Variants in TPCN1 observed in about 807,000 individuals in gnomAD.
The protein encoded by TPCN1 is two pore channel protein 1.
Under a neutral mutation model 108.8 loss-of-function variants are expected in TPCN1, and 52 were observed. That is an observed-to-expected ratio of 0.48 (90% confidence interval 0.38 to 0.60). The LOEUF is 0.60. Ranked by LOEUF, TPCN1 falls within the 20% of genes least tolerant of loss-of-function variation. The pLI is 0.00. For missense variants in TPCN1, 806 were observed against 1,072.8 expected, an observed-to-expected ratio of 0.75 and a Z score of 3.47; for synonymous variants, 446 against 433.7, an observed-to-expected ratio of 1.03 and a Z score of -0.35.
intron 2 of TPCN1, among the ~76,000 whole-genome samples, chr12:113,245,333 C>T (rs1160406014): frequency 8.3e-6 from 1 of 121,122 alleles, no homozygotes. Context: ...CGCGGTGGCT[C>T]ACGCCTGTAA....
At position 113,273,430 on chromosome 12, in the gene TPCN1, C is replaced by A; in HGVS notation, c.843-139C>A. 1.6e-6 allele frequency: 2 copies of A among 1,255,416 alleles called. No homozygotes were observed. Among genetic ancestry groups the A allele is most frequent in the Non-Finnish European group, 2.3e-6 (2 of 858,952 alleles). The allele number at this position is 1,255,416 out of a possible 1,614,324, so 77.8% of individuals were successfully genotyped here. ...GGAGACAGGGTTGGCCCACTGAGCA[C>A]GGAGCCCAGGGATGAGAGTAGGGGA... On this transcript the variant is annotated intron_variant, in intron 9 of 27. Transcript: ENST00000335509. The surrounding 1 kb of genome is among the most constrained non-coding windows in gnomAD (Gnocchi z 4.0).
Position 113,291,894 on chromosome 12 carries a change from C to A in TPCN1, c.2049C>A (p.Val683=). ...GCCAGGTGGTGATGACGATCATTGT[C>A]GCCTTTATCCTCGAGGCCTTCGTCT... The part of the protein sequence containing the change: ...IVTMVVMTII[V]AFILEAFVFR... The change falls in exon 25 of 28, where the codon GTC becomes GTA. Residue 683 remains valine, a synonymous_variant. Transcript: ENST00000335509. 6.3e-7 allele frequency: 1 copy of A among 1,586,510 alleles called. No homozygotes were observed.
At chr12:113,257,447 C>G (rs1236119560) in intron 2 of TPCN1, among the ~76,000 whole-genome samples, 3 of 150,070 alleles carry the variant, frequency 2.0e-5, no homozygotes, top group Admixed American at 6.6e-5. Context: ...GCTGAGATGG[C>G]ACCACTGCAC....
intron 1 of TPCN1, among the ~76,000 whole-genome samples, chr12:113,225,619 A>G (rs1179502130): frequency 1.3e-5 from 2 of 151,846 alleles, no homozygotes; most frequent in African/African-American, 2.4e-5. Flanking sequence ...GGATGGCTCT[A>G]TCTCGGTTCA....
At chr12:113,244,712 G>A in intron 2 of TPCN1, 2 of 985,452 alleles carry the variant, frequency 2.0e-6, no homozygotes, top group Non-Finnish European at 2.4e-6. Context: ...CATTCTGGTA[G>A]GCGCTGGTTT....
In TPCN1 at chr12:113,288,676, C is replaced by T; in HGVS notation, c.1707-82C>T. 6.3e-7 allele frequency: 1 copy of T among 1,581,528 alleles called. No homozygotes were observed. The highest frequency in any genetic ancestry group is 8.6e-7 in the Non-Finnish European group (1 of 1,167,642). On this transcript the variant is annotated intron_variant, in intron 20 of 27. Coordinates refer to ENST00000335509, the MANE Select transcript of TPCN1 (RefSeq NM_017901.6). This position sits in a 1 kb window ranked among gnomAD's most constrained non-coding sequence, Gnocchi z 4.8. Reference sequence around the variant, plus strand: ...AGGGGCATGGCCCTGCAGTCAGCCCCACGGGTCCGAGGAGGCCGGGGCTGC... The same window carrying T: ...AGGGGCATGGCCCTGCAGTCAGCCCTACGGGTCCGAGGAGGCCGGGGCTGC...
At chr12:113,277,467 C>A in intron 12 of TPCN1, 103 bp downstream of exon 12, 4 of 1,404,490 alleles carry the variant, frequency 2.8e-6, no homozygotes, top group Non-Finnish European at 3.9e-6. Flanking sequence ...GGCCTATAGG[C>A]TTGTCAGAGA....
intron 2 of TPCN1, among the ~76,000 whole-genome samples, chr12:113,233,818 C>T (rs1189410470): frequency 2.0e-5 from 3 of 152,132 alleles, no homozygotes; most frequent in Non-Finnish European, 4.4e-5. Flanking sequence ...GAAGAGGAAA[C>T]GGAGGCTCTC....
chr12:113,291,731 T>A (rs1956275792), intron 24 of TPCN1, 54 bp downstream of exon 24: 8 of 1,593,764 alleles, frequency 5.0e-6, no homozygotes, highest in Non-Finnish European at 5.2e-6. Flanking sequence ...CATCACCAGC[T>A]GCCCCTGCTC....
chr12:113,236,600 G>A (rs1257330944), intron 2 of TPCN1, among the ~76,000 whole-genome samples: 1 of 151,416 alleles, frequency 6.6e-6, no homozygotes, highest in Non-Finnish European at 1.5e-5. Context: ...GGGTGACAGA[G>A]CAAGACCCTG....
chr12:113,272,787 G>A lies in TPCN1; in HGVS notation c.783+95G>A. 7.9e-7 allele frequency: 1 copy of A among 1,264,044 alleles called. No homozygotes were observed. Among genetic ancestry groups the A allele is most frequent in the Non-Finnish European group, 1.2e-6 (1 of 862,642 alleles). The allele number at this position is 1,264,044 out of a possible 1,614,324, so 78.3% of individuals were successfully genotyped here. ...GTGACCCTGTGGCCATATGGGGAAG[G>A]GGGGGCCTGCCTGGTTTCTCATCAT... On this transcript the variant is annotated intron_variant, in intron 8 of 27. Transcript: ENST00000335509. This position sits in a 1 kb window ranked among gnomAD's most constrained non-coding sequence, Gnocchi z 4.1.
chr12:113,246,538 C>T (rs545788430), intron 2 of TPCN1, among the ~76,000 whole-genome samples: 5 of 152,288 alleles, frequency 3.3e-5, no homozygotes, highest in Admixed American at 6.5e-5. Context: ...AAATCCTGCC[C>T]GCCTGCCCAC....
intron 1 of TPCN1, among the ~76,000 whole-genome samples, chr12:113,226,255 T>G (rs542197289): frequency 6.6e-6 from 1 of 152,094 alleles, no homozygotes; most frequent in Non-Finnish European, 1.5e-5. Flanking sequence ...TTTACCATTT[T>G]ATTATTTTTT....
chr12:113,264,488 G>A (rs564680024), intron 3 of TPCN1, among the ~76,000 whole-genome samples: 80 of 152,192 alleles, frequency 5.3e-4, no homozygotes, highest in Admixed American at 3.2e-3. Context: ...AGACCAGCCT[G>A]GGCAACATGG....
chr12:113,265,278 C>T (rs894212115), intron 3 of TPCN1, among the ~76,000 whole-genome samples: 1 of 152,192 alleles, frequency 6.6e-6, no homozygotes, highest in African/African-American at 2.4e-5. Flanking sequence ...CACAAATGTC[C>T]TCACCTTTCC....
At chr12:113,252,839 C>T (rs193200636) in intron 2 of TPCN1, among the ~76,000 whole-genome samples, 1 of 152,290 alleles carries the variant, frequency 6.6e-6, no homozygotes, top group East Asian at 1.9e-4. Flanking sequence ...TTAGTTCTTT[C>T]AGAAATGAGC....
chr12:113,224,369 A>G lies in TPCN1; in HGVS notation c.-125-2359A>G, dbSNP rs200945831. Among the ~76,000 whole-genome samples, 10 of 152,350 alleles carry G rather than the reference A, an allele frequency of 6.6e-5. No homozygotes were observed. In the East Asian group the frequency reaches 1.7e-3, roughly 26 times the overall value. On this transcript the variant is annotated intron_variant, in intron 1 of 27. Transcript: ENST00000335509. ...GAAGTGCTAGTAGGGTCCCTCATAC[A>G]TAGTACGCACTCATTGAGTATTAAC...
In TPCN1 at chr12:113,284,929, T is replaced by A. The variant is rs1242654913; in HGVS notation, c.1453+158T>A. On this transcript the variant is annotated intron_variant, in intron 17 of 27. Coordinates refer to ENST00000335509, the MANE Select transcript of TPCN1 (RefSeq NM_017901.6). The surrounding 1 kb of genome is among the most constrained non-coding windows in gnomAD (Gnocchi z 4.1). ...CATCTCGTCCCCGTTTAAAACTCTT[T>A]CGTGGTTGTCCGCTGCCCTCTGGAT... Among the ~76,000 whole-genome samples, 7 of 152,202 alleles carry A rather than the reference T, an allele frequency of 4.6e-5. No homozygotes were observed.
At chr12:113,239,334 A>T (rs879565505) in intron 2 of TPCN1, among the ~76,000 whole-genome samples, 8 of 152,066 alleles carry the variant, frequency 5.3e-5, no homozygotes, top group Non-Finnish European at 1.2e-4. Flanking sequence ...CCTGTTTGAG[A>T]TGACTGGGCA....
Sources: gnomAD v4.1 joint callset for allele counts (sites outside exome capture counted in the v4.1 genomes callset) on GRCh38, gnomAD v4.1.1 for gene constraint, Gnocchi (gnomAD v3.1) non-coding constraint, MANE v1.5 for transcripts, NCBI Gene and HGNC (gene_info 2026-07-23, HGNC 2026-07-21) for gene names.